Variants in SLC17A1 observed in about 807,000 individuals in gnomAD.
The protein encoded by SLC17A1 is solute carrier family 17 member 1.
Under a neutral mutation model 53.5 loss-of-function variants are expected in SLC17A1, and 51 were observed. The observed-to-expected ratio is 0.95, with a 90% CI of 0.76 to 1.20. SLC17A1 has a LOEUF of 1.20. Ranked by LOEUF, SLC17A1 falls within the 50% of genes most tolerant of loss-of-function variation. The pLI is 0.00. For missense variants in SLC17A1, 538 were observed against 568.2 expected, an observed-to-expected ratio of 0.95 and a Z score of 0.54; for synonymous variants, 179 against 198.8, an observed-to-expected ratio of 0.90 and a Z score of 0.84.
At chr6:25,797,129 C>A (rs929512904) in intron 12 of SLC17A1, among the ~76,000 whole-genome samples, 2 of 152,190 alleles carry the variant, frequency 1.3e-5, no homozygotes, top group Non-Finnish European at 2.9e-5. Context: ...TTGCATGTAT[C>A]TTCTGAAACA....
the SLC17A1 span, among the ~76,000 whole-genome samples, chr6:25,733,806 ATGTGTGTGTG>A: frequency 7.5e-5 from 10 of 133,856 alleles, no homozygotes; most frequent in Non-Finnish European, 8.1e-5. Flanking sequence ...GTGTGTGTGT[ATGTGTGTGTG>A]TGTGTGTGTG....
chr6:25,776,479 T>C, the SLC17A1 span: 1 of 1,245,422 alleles, frequency 8.0e-7, no homozygotes, highest in Non-Finnish European at 1.1e-6. Context: ...GAATTTGTAT[T>C]AAAAGTGATG....
At chr6:25,756,950 T>C in the SLC17A1 span, among the ~76,000 whole-genome samples, 1 of 152,234 alleles carries the variant, frequency 6.6e-6, no homozygotes, top group Admixed American at 6.5e-5. Context: ...CTAATTGCCC[T>C]GAGGTGTGAA....
At chr6:25,740,386 T>G in the SLC17A1 span, among the ~76,000 whole-genome samples, 1 of 152,140 alleles carries the variant, frequency 6.6e-6, no homozygotes, top group African/African-American at 2.4e-5. Flanking sequence ...CAAAGTCATT[T>G]TTTTTTAAAT....
the SLC17A1 span, chr6:25,726,527 T>A: frequency 2.5e-6 from 4 of 1,603,270 alleles, no homozygotes; most frequent in South Asian, 1.1e-5. Context: ...CGTCCAGACA[T>A]CTCCTCGCAT....
the SLC17A1 span, among the ~76,000 whole-genome samples, chr6:25,766,760 G>A: frequency 1.3e-5 from 2 of 152,152 alleles, no homozygotes; most frequent in East Asian, 1.9e-4. Context: ...TGACTGGTGC[G>A]TTTCAAAACT....
chr6:25,741,520 G>C, the SLC17A1 span, among the ~76,000 whole-genome samples: 3 of 151,848 alleles, frequency 2.0e-5, no homozygotes, highest in African/African-American at 7.3e-5. Context: ...TTTGAGACCA[G>C]CTTGGCCAAC....
the SLC17A1 span, chr6:25,769,043 T>C: frequency 6.2e-7 from 1 of 1,614,022 alleles, no homozygotes; most frequent in South Asian, 1.1e-5. Context: ...ATTTTTCAAT[T>C]TACACCCAAC....
the SLC17A1 span, among the ~76,000 whole-genome samples, chr6:25,747,889 C>T: frequency 6.6e-6 from 1 of 151,942 alleles, no homozygotes; most frequent in Non-Finnish European, 1.5e-5. Flanking sequence ...GTTATAGCAG[C>T]CCAAATTGAC....
chr6:25,816,253 T>C (rs953933976), intron 6 of SLC17A1, among the ~76,000 whole-genome samples: 1 of 152,170 alleles, frequency 6.6e-6, no homozygotes, highest in Non-Finnish European at 1.5e-5. Flanking sequence ...CCCACCTCAC[T>C]AGGTACTTTG....
At chr6:25,772,465 C>A in the SLC17A1 span, among the ~76,000 whole-genome samples, 70 of 152,130 alleles carry the variant, frequency 4.6e-4, no homozygotes, top group Middle Eastern at 0.01. Flanking sequence ...AAATGACATG[C>A]TAGCCAAACA....
intron 10 of SLC17A1, among the ~76,000 whole-genome samples, chr6:25,803,398 C>A (rs1266378298): frequency 6.6e-6 from 1 of 151,870 alleles, no homozygotes; most frequent in Non-Finnish European, 1.5e-5. Flanking sequence ...TACCCCAAGG[C>A]CACTGCTCTA....
intron 12 of SLC17A1, among the ~76,000 whole-genome samples, chr6:25,787,186 T>A (rs1763401385): frequency 6.6e-6 from 1 of 152,050 alleles, no homozygotes; most frequent in Non-Finnish European, 1.5e-5. Flanking sequence ...ATTTTCTGAA[T>A]TTGTTCAAAA....
the SLC17A1 span, among the ~76,000 whole-genome samples, chr6:25,746,952 G>C: frequency 6.6e-6 from 1 of 152,180 alleles, no homozygotes; most frequent in Non-Finnish European, 1.5e-5. Context: ...TGATTCATCA[G>C]GGATAGACTG....
At chr6:25,756,997 T>C in the SLC17A1 span, among the ~76,000 whole-genome samples, 13 of 152,238 alleles carry the variant, frequency 8.5e-5, no homozygotes, top group East Asian at 2.5e-3. Flanking sequence ...CAGCAGACTA[T>C]TCAGTCCCCT....
chr6:25,801,957 C>T (rs147308396), intron 10 of SLC17A1, among the ~76,000 whole-genome samples: 69 of 152,208 alleles, frequency 4.5e-4, no homozygotes, highest in Admixed American at 7.2e-4. Context: ...TGGTTATGAA[C>T]ATCCACAGGT....
At chr6:25,726,675 T>C in the SLC17A1 span, 9 of 1,149,122 alleles carry the variant, frequency 7.8e-6, no homozygotes, top group East Asian at 2.2e-4. Context: ...ATCGCCTCAT[T>C]TGCATTCACG....
chr6:25,818,547 A>G (rs943566328), intron 6 of SLC17A1, among the ~76,000 whole-genome samples: 10 of 152,216 alleles, frequency 6.6e-5, no homozygotes, highest in Non-Finnish European at 1.3e-4. Flanking sequence ...GACATAATAG[A>G]ACCTATCCAC....
downstream of SLC17A1, among the ~76,000 whole-genome samples, chr6:25,781,484 T>C (rs1262937819): frequency 6.7e-6 from 1 of 149,518 alleles, no homozygotes; most frequent in Non-Finnish European, 1.5e-5. Context: ...GGTGGTGTCT[T>C]TGTCGCTTTT....
Sources: gnomAD v4.1 joint callset for allele counts (sites outside exome capture counted in the v4.1 genomes callset) on GRCh38, gnomAD v4.1.1 for gene constraint, MANE v1.5 for transcripts, NCBI Gene and HGNC (gene_info 2026-07-23, HGNC 2026-07-21) for gene names.